Variants in GALNT18 observed in about 807,000 individuals in gnomAD.
GALNT18 encodes GalNAc-transferase 18.
A neutral mutation model predicts 69.5 loss-of-function variants in GALNT18; 44 were observed. That is an observed-to-expected ratio of 0.63 (90% CI 0.50 to 0.81). GALNT18 has a LOEUF of 0.81. GALNT18 is among the 40% of genes least tolerant of loss of function. The probability of loss-of-function intolerance (pLI) is 0.00; values close to 1 mark genes in which losing one functional copy is unlikely to be tolerated. For synonymous variants in GALNT18, 364 were observed against 318.2 expected (o/e 1.14, Z -1.53); for missense variants, 715 against 810.0 (o/e 0.88, Z 1.42).
intron 2 of GALNT18, among the ~76,000 whole-genome samples, chr11:11,437,330 T>TA (rs569299617): frequency 0.011 from 1,627 of 152,074 alleles, 15 homozygotes; most frequent in Non-Finnish European, 0.017. Flanking sequence ...CCACTAGAGA[T>TA]AAAAAAAACA....
At chr11:11,487,838 A>G (rs1856675833) in intron 1 of GALNT18, among the ~76,000 whole-genome samples, 1 of 152,200 alleles carries the variant, frequency 6.6e-6, no homozygotes, top group Non-Finnish European at 1.5e-5. Context: ...TCTGATGGAA[A>G]GACAGAGACA....
rs1436924890 is a variant in GALNT18 at position 11,436,094 on chromosome 11, G to T, written c.429-3307C>A. 6.6e-6 allele frequency among the ~76,000 whole-genome samples: 1 copy of T among 152,234 alleles called. No individual in the cohort carries two copies. On this transcript the variant is annotated intron_variant, in intron 2 of 10. Transcript: ENST00000227756. This position sits in a 1 kb window ranked among gnomAD's most constrained non-coding sequence, Gnocchi z 4.5. ...CCCTGCGTGAGCAGAGAGGCGAGGG[G>T]TGGGCAGGGTAAGGAAGATGATATG...
intron 1 of GALNT18, among the ~76,000 whole-genome samples, chr11:11,574,488 A>G (rs940552322): frequency 2.0e-5 from 3 of 152,250 alleles, no homozygotes; most frequent in Non-Finnish European, 4.4e-5. Context: ...TGGCTATGCC[A>G]CATGATGTCC....
intron 1 of GALNT18, among the ~76,000 whole-genome samples, chr11:11,545,224 T>C (rs369606714): frequency 8.1e-4 from 123 of 152,360 alleles, no homozygotes; most frequent in Middle Eastern, 3.4e-3. Context: ...AGCTTCTGCT[T>C]TTTCCAACAT....
intron 2 of GALNT18, among the ~76,000 whole-genome samples, chr11:11,440,748 T>C (rs1855516494): frequency 6.6e-6 from 1 of 152,166 alleles, no homozygotes; most frequent in Non-Finnish European, 1.5e-5. Context: ...CCCCAAGTCT[T>C]CTTTTTTACA....
intron 1 of GALNT18, among the ~76,000 whole-genome samples, chr11:11,524,030 AC>A (rs35884006): frequency 0.21 from 32,499 of 152,066 alleles, 4,150 homozygotes; most frequent in Non-Finnish European, 0.27. Context: ...AGTGCGAGGT[AC>A]CAGCTCTTGA....
In GALNT18 at chr11:11,293,040, G is replaced by A. The variant is rs1466503108; in HGVS notation, c.1666C>T (p.Gln556Ter). 7.2e-7 allele frequency: 1 copy of A among 1,381,452 alleles called. No homozygotes were observed. 85.6% of individuals were successfully genotyped at this position (1,381,452 alleles called of 1,614,324 possible). ...TCTGGGGCTGTTACCTGAGAGAACT[G>A]CCAGTGAAGCTTCATCCTCTTGGCT... ...AKAKRMKLHW[Q>*]FSQGGPIQNR... Residue 556 changes from glutamine to a stop codon, truncating the protein, a stop_gained, in exon 10 of 11, where the codon CAG becomes TAG. Transcript: ENST00000227756. LOFTEE classifies it high-confidence loss of function.
At chr11:11,534,706 T>A (rs4296033) in intron 1 of GALNT18, among the ~76,000 whole-genome samples, 129,695 of 152,318 alleles carry the variant, frequency 0.85, 55,518 homozygotes, top group East Asian at 0.92. Flanking sequence ...CTTCATTCTA[T>A]TTAGCAGACA....
intron 1 of GALNT18, among the ~76,000 whole-genome samples, chr11:11,610,544 T>A (rs114010690): frequency 0.022 from 3,409 of 151,946 alleles, 135 homozygotes; most frequent in African/African-American, 0.078. Context: ...TCCTCACTGG[T>A]TTTTTTTCCC....
intron 7 of GALNT18, among the ~76,000 whole-genome samples, chr11:11,334,056 C>G (rs1230846622): frequency 6.6e-6 from 1 of 152,084 alleles, no homozygotes; most frequent in East Asian, 1.9e-4. Flanking sequence ...AAGTGGAACT[C>G]TCTCTCACCG....
rs1271605519 is a variant in GALNT18, at chr11:11,337,438, C to A, written c.1278+3381G>T. ...CCCAAAAAACAGATCCCAGAGGCCC[C>A]TTCCAAACCAGTTAAGTGGTAATCT... is the stretch of plus-strand genomic sequence containing the variant. On this transcript the variant is annotated intron_variant, in intron 7 of 10. Coordinates refer to ENST00000227756, the MANE Select transcript of GALNT18 (RefSeq NM_198516.3). The surrounding 1 kb of genome is among the most constrained non-coding windows in gnomAD (Gnocchi z 4.9). 6.6e-6 allele frequency among the ~76,000 whole-genome samples: 1 copy of A among 152,200 alleles called. No individual in the cohort carries two copies. The highest frequency in any genetic ancestry group is 1.5e-5 in the Non-Finnish European group (1 of 68,046).
Position 11,432,884 on chromosome 11 carries a change from C to T in GALNT18, c.429-97G>A, listed in dbSNP as rs1156528848. On this transcript the variant is annotated intron_variant, in intron 2 of 10. Coordinates refer to ENST00000227756, the MANE Select transcript of GALNT18 (RefSeq NM_198516.3). This position sits in a 1 kb window ranked among gnomAD's most constrained non-coding sequence, Gnocchi z 5.8. The stretch of plus-strand genomic sequence containing the variant: ...TCCTGGCTCCAGCTTTGCTGGAGGG[C>T]TCGGGAGTCCAGATTCTTCCAAGGG... 2.5e-6 allele frequency: 3 copies of T among 1,216,174 alleles called. No homozygotes were observed. Among genetic ancestry groups the T allele is most frequent in the Non-Finnish European group, 3.4e-6 (3 of 871,600 alleles). The allele number at this position is 1,216,174 out of a possible 1,614,324, so 75.3% of individuals were successfully genotyped here.
chr11:11,454,038 A>T lies in GALNT18; in HGVS notation c.236-5102T>A, dbSNP rs1317996638. ...CTGGCGCCTAGTAGGTGCTTAACCA[A>T]TACCAGTAAAATGAACGAATAGGGC... On this transcript the variant is annotated intron_variant, in intron 1 of 10. Coordinates refer to ENST00000227756, the MANE Select transcript of GALNT18 (RefSeq NM_198516.3). The surrounding 1 kb of genome is among the most constrained non-coding windows in gnomAD (Gnocchi z 4.2). Among the ~76,000 whole-genome samples, 1 of 152,176 alleles carries T rather than the reference A, an allele frequency of 6.6e-6. No individual in the cohort carries two copies. The highest frequency in any genetic ancestry group is 2.4e-5 in the African/African-American group (1 of 41,456).
intron 1 of GALNT18, among the ~76,000 whole-genome samples, chr11:11,561,513 A>C (rs1858505674): frequency 6.6e-6 from 1 of 152,202 alleles, no homozygotes. Flanking sequence ...GCTTCAAAGG[A>C]TTGTGGTAAG....
chr11:11,499,478 T>G (rs556719583), intron 1 of GALNT18, among the ~76,000 whole-genome samples: 3 of 151,852 alleles, frequency 2.0e-5, no homozygotes, highest in African/African-American at 7.2e-5. Context: ...CTGGGACAGA[T>G]GTAGCTGCAT....
rs1859721018 is a variant in GALNT18, at chr11:11,605,242, G to C, written c.235+16117C>G. Among the ~76,000 whole-genome samples the C allele has an allele frequency of 6.6e-6, 1 of 152,188 alleles. No homozygotes were observed. The highest frequency in any genetic ancestry group is 6.5e-5 in the Admixed American group (1 of 15,282). The stretch of plus-strand genomic sequence containing the variant: ...ACACTCATGGGTGGGTGATTCCCCA[G>C]GTGGCCAGCAGATAACTTGGAGTTC... On this transcript the variant is annotated intron_variant, in intron 1 of 10. Transcript: ENST00000227756. This position sits in a 1 kb window ranked among gnomAD's most constrained non-coding sequence, Gnocchi z 4.7.
intron 3 of GALNT18, among the ~76,000 whole-genome samples, chr11:11,392,009 T>C (rs1217674061): frequency 2.0e-5 from 3 of 152,252 alleles, no homozygotes; most frequent in African/African-American, 7.2e-5. Flanking sequence ...AGTCATGTCT[T>C]GGCTCAACGC....
intron 1 of GALNT18, among the ~76,000 whole-genome samples, chr11:11,610,957 A>G (rs1211147503): frequency 2.0e-5 from 3 of 152,248 alleles, no homozygotes; most frequent in African/African-American, 7.2e-5. Flanking sequence ...AACACAAAGC[A>G]TTATAACTGC....
chr11:11,546,904 G>A lies in GALNT18; in HGVS notation c.235+74455C>T, dbSNP rs1858066359. Among the ~76,000 whole-genome samples the A allele has an allele frequency of 6.6e-6, 1 of 152,004 alleles. No individual in the cohort carries two copies. The highest frequency in any genetic ancestry group is 1.5e-5 in the Non-Finnish European group (1 of 67,978). On this transcript the variant is annotated intron_variant, in intron 1 of 10. Transcript: ENST00000227756. The surrounding 1 kb of genome is among the most constrained non-coding windows in gnomAD (Gnocchi z 5.8). Reference sequence around the variant, plus strand: ...GATGTGTATGGATGAATGGATAGATGGGTAGGTGGATGGATATGGAATCTT... The same window carrying A: ...GATGTGTATGGATGAATGGATAGATAGGTAGGTGGATGGATATGGAATCTT...
Sources: gnomAD v4.1 joint callset for allele counts (sites outside exome capture counted in the v4.1 genomes callset) on GRCh38, gnomAD v4.1.1 for gene constraint, Gnocchi (gnomAD v3.1) non-coding constraint, MANE v1.5 for transcripts, NCBI Gene and HGNC (gene_info 2026-07-23, HGNC 2026-07-21) for gene names.